LYRM4: variants seen among roughly 807,000 people sequenced by gnomAD.
LYRM4 encodes LYR motif-containing protein 4.
LYRM4 carries 9 observed loss-of-function variants against 11.7 expected under a neutral mutation model. The ratio of observed to expected loss-of-function variants is 0.77; its 90% confidence interval spans 0.46 to 1.34. The LOEUF is 1.34. Among genes scored for constraint, LYRM4 ranks in the 40% most tolerant of loss-of-function variants. The probability of loss-of-function intolerance (pLI) is 0.00; values close to 1 mark genes in which losing one functional copy is unlikely to be tolerated. For synonymous variants in LYRM4, 42 were observed against 40.4 expected, an observed-to-expected ratio of 1.04 and a Z score of -0.15; for missense variants, 133 against 112.5, an observed-to-expected ratio of 1.18 and a Z score of -0.82.
At chr6:5,158,080 A>G (rs1758523277) in intron 2 of LYRM4, among the ~76,000 whole-genome samples, 2 of 152,236 alleles carry the variant, frequency 1.3e-5, no homozygotes, top group Non-Finnish European at 2.9e-5. Context: ...AACAAAAGAA[A>G]AAAAGGAAGA....
Position 5,128,301 on chromosome 6 carries a change from C to A in LYRM4, c.208-18810G>T, listed in dbSNP as rs376054730. On this transcript the variant is annotated intron_variant, in intron 2 of 2. Transcript: ENST00000330636. ...TGACATTTATATCCTGGAAGCAGGG[C>A]ACCCATCACCGCTCACACACCCTGC... 4.8e-4 allele frequency among the ~76,000 whole-genome samples: 73 copies of A among 152,320 alleles called. 1 individual carries two copies. In the Middle Eastern group the frequency reaches 0.01, roughly 21 times the overall value.
intron 2 of LYRM4, among the ~76,000 whole-genome samples, chr6:5,154,742 C>T (rs952581235): frequency 1.4e-4 from 21 of 152,120 alleles, no homozygotes; most frequent in Non-Finnish European, 2.5e-4. Flanking sequence ...TGGCGTGAAC[C>T]CGGGAGGCGG....
intron 1 of LYRM4, among the ~76,000 whole-genome samples, chr6:5,223,698 CAA>C (rs1762719466): frequency 6.6e-6 from 1 of 152,142 alleles, no homozygotes; most frequent in Non-Finnish European, 1.5e-5. Flanking sequence ...GAGAGCATTT[CAA>C]GGGAAAGAGC....
the LYRM4 span, chr6:5,086,428 G>A: frequency 1.3e-6 from 2 of 1,536,516 alleles, no homozygotes; most frequent in Non-Finnish European, 1.7e-6. Flanking sequence ...GCCTGAGGAC[G>A]AAGAGGACGC....
At chr6:5,155,844 C>T (rs533459270) in intron 2 of LYRM4, among the ~76,000 whole-genome samples, 6 of 152,306 alleles carry the variant, frequency 3.9e-5, no homozygotes, top group South Asian at 4.2e-4. Context: ...TTACACCTCT[C>T]GGAATTGTGT....
intron 2 of LYRM4, among the ~76,000 whole-genome samples, chr6:5,152,390 A>G (rs1758138162): frequency 6.6e-6 from 1 of 152,164 alleles, no homozygotes; most frequent in Non-Finnish European, 1.5e-5. Context: ...AATGACACAC[A>G]TGTACTACCT....
chr6:5,178,687 CCCAGCTACT>C (rs1759867203), intron 2 of LYRM4, among the ~76,000 whole-genome samples: 1 of 151,092 alleles, frequency 6.6e-6, no homozygotes, highest in Admixed American at 6.6e-5. Flanking sequence ...CACCTGTAAT[CCCAGCTACT>C]CCAGAGGCTG....
chr6:5,154,806 G>A (rs959782604), intron 2 of LYRM4, among the ~76,000 whole-genome samples: 11 of 152,010 alleles, frequency 7.2e-5, no homozygotes, highest in South Asian at 6.2e-4. Flanking sequence ...GCGACAGAGC[G>A]AGACTCCGTC....
At chr6:5,109,733 G>C (rs1762792295) in intron 2 of LYRM4, among the ~76,000 whole-genome samples, 1 of 147,844 alleles carries the variant, frequency 6.8e-6, no homozygotes, top group African/African-American at 2.5e-5. Context: ...AGCACAGGAG[G>C]CTGCAGCCTG....
chr6:5,138,696 T>C, intron 2 of LYRM4: 1 of 1,528,740 alleles, frequency 6.5e-7, no homozygotes, highest in Non-Finnish European at 8.8e-7. Context: ...CAAGATGCAA[T>C]AGAAAACAAA....
chr6:5,186,527 C>A, intron 2 of LYRM4: 1 of 954,642 alleles, frequency 1.0e-6, no homozygotes, highest in Non-Finnish European at 1.2e-6. Context: ...CTCCCATCTC[C>A]TTTCTTATAC....
intron 2 of LYRM4, among the ~76,000 whole-genome samples, chr6:5,215,730 G>A (rs1762237131): frequency 6.6e-6 from 1 of 152,176 alleles, no homozygotes; most frequent in Admixed American, 6.5e-5. Context: ...ATCTCTTGAT[G>A]CTAAAGAAGC....
intron 2 of LYRM4, among the ~76,000 whole-genome samples, chr6:5,167,611 T>C (rs1255474098): frequency 6.6e-6 from 1 of 152,228 alleles, no homozygotes; most frequent in African/African-American, 2.4e-5. Context: ...TCTTACATTC[T>C]GAATCACAAG....
rs370577053 is a variant in LYRM4 at position 5,186,963 on chromosome 6, G to A, written c.207+29655C>T. 15 of 641,404 alleles carry A rather than the reference G, an allele frequency of 2.3e-5. No individual in the cohort carries two copies. The East Asian group carries it at 8.3e-4, about 36-fold the overall frequency. 39.7% of individuals were successfully genotyped at this position (641,404 alleles called of 1,614,324 possible). Reference sequence around the variant, plus strand: ...CGTTCCAATGCACTCCAGCCTGGGCGACAGAGTGAGAGTCCATCTTAAAAA... The same window carrying A: ...CGTTCCAATGCACTCCAGCCTGGGCAACAGAGTGAGAGTCCATCTTAAAAA... On this transcript the variant is annotated intron_variant, in intron 2 of 2. Coordinates refer to ENST00000330636, the MANE Select transcript of LYRM4 (RefSeq NM_020408.6).
intron 2 of LYRM4, among the ~76,000 whole-genome samples, chr6:5,165,014 AG>A (rs1486208016): frequency 6.6e-6 from 1 of 151,944 alleles, no homozygotes; most frequent in African/African-American, 2.4e-5. Context: ...GAAAAAAAAA[AG>A]TTATTATGTT....
At chr6:5,138,786 CAGAA>C (rs1306162047) in intron 2 of LYRM4, 1 of 1,403,244 alleles carries the variant, frequency 7.1e-7, no homozygotes, top group African/African-American at 1.4e-5. Flanking sequence ...TAACAGTTAA[CAGAA>C]AGAAAGAGTT....
chr6:5,196,367 C>A (rs1014022633), intron 2 of LYRM4, among the ~76,000 whole-genome samples: 1 of 152,156 alleles, frequency 6.6e-6, no homozygotes, highest in Non-Finnish European at 1.5e-5. Flanking sequence ...TTCTAATATC[C>A]AGGCCTCATC....
chr6:5,076,408 T>C, the LYRM4 span, among the ~76,000 whole-genome samples: 3 of 152,244 alleles, frequency 2.0e-5, no homozygotes, highest in Admixed American at 6.5e-5. Flanking sequence ...CTGGCTTTGT[T>C]ACCAATTCAT....
chr6:5,260,809 T>A lies in LYRM4; in HGVS notation c.-76A>T, dbSNP rs1765044277. 6.5e-7 allele frequency: 1 copy of A among 1,529,210 alleles called. No homozygotes were observed. 94.7% of individuals were successfully genotyped at this position (1,529,210 alleles called of 1,614,324 possible). A position where few individuals can be genotyped will look rare whatever the true frequency, so the allele number is the denominator to read the frequency against. ...CGACCCAACCCACGAAACTCCAGCC[T>A]GTGCGGAAACCACGAACGAAATAAA... On this transcript the variant is annotated 5_prime_UTR_variant, in exon 1 of 3. Coordinates refer to ENST00000330636, the MANE Select transcript of LYRM4 (RefSeq NM_020408.6).
Sources: allele counts gnomAD v4.1 joint callset (sites outside exome capture counted in the v4.1 genomes callset), GRCh38; gene constraint gnomAD v4.1.1; transcripts MANE v1.5; gene names NCBI Gene and HGNC (gene_info 2026-07-23, HGNC 2026-07-21).